SPATA6: variants seen among roughly 807,000 people sequenced by gnomAD.
SPATA6 encodes spermatogenesis associated 6, also known as spermatogenesis-associated protein 6.
A neutral mutation model predicts 65.3 loss-of-function variants in SPATA6; 56 were observed. The observed-to-expected ratio is 0.86, with a 90% CI of 0.69 to 1.07. The LOEUF (loss-of-function observed/expected upper bound fraction) is 1.07, where lower values mean the gene tolerates loss of function less well. SPATA6 is among the 50% of genes least tolerant of loss of function. The pLI is 0.00. For missense variants in SPATA6, 590 were observed against 594.8 expected (o/e 0.99, Z 0.08); for synonymous variants, 199 against 213.2 (o/e 0.93, Z 0.58).
chr1:48,381,938 T>C (rs2148890025), intron 9 of SPATA6, among the ~76,000 whole-genome samples: 1 of 120,614 alleles, frequency 8.3e-6, no homozygotes, highest in East Asian at 2.3e-4. Flanking sequence ...AAGCATCTGT[T>C]TAACAAAGCA....
At chr1:48,415,224 T>G (rs1477654584) in intron 3 of SPATA6, among the ~76,000 whole-genome samples, 1 of 152,216 alleles carries the variant, frequency 6.6e-6, no homozygotes, top group Non-Finnish European at 1.5e-5. Flanking sequence ...ACAAGGGTGA[T>G]GACAGTCCAA....
intron 9 of SPATA6, among the ~76,000 whole-genome samples, chr1:48,378,774 G>T (rs1295030743): frequency 1.3e-5 from 2 of 152,076 alleles, no homozygotes; most frequent in Admixed American, 6.5e-5. Context: ...ATTTGGCTGG[G>T]GACACAGCCA....
At chr1:48,316,447 T>C (rs1314564518) in intron 11 of SPATA6, among the ~76,000 whole-genome samples, 4 of 152,180 alleles carry the variant, frequency 2.6e-5, no homozygotes, top group Non-Finnish European at 5.9e-5. Context: ...ATTCCCTATT[T>C]AATAAATAGT....
the SPATA6 span, among the ~76,000 whole-genome samples, chr1:48,272,551 G>GTA: frequency 7.5e-4 from 114 of 152,136 alleles, 2 homozygotes; most frequent in South Asian, 1.9e-3. Flanking sequence ...ATTCCTTTGT[G>GTA]TATATATATA....
chr1:48,435,356 C>T (rs2148075290), intron 3 of SPATA6, among the ~76,000 whole-genome samples: 1 of 151,996 alleles, frequency 6.6e-6, no homozygotes, highest in East Asian at 1.9e-4. Flanking sequence ...CACCAATCAG[C>T]ACTCTGTAAA....
chr1:48,281,473 A>C, the SPATA6 span, among the ~76,000 whole-genome samples: 46 of 152,356 alleles, frequency 3.0e-4, no homozygotes, highest in Non-Finnish European at 5.7e-4. Flanking sequence ...GCTGATAAGC[A>C]ATTTCAGCAA....
At chr1:48,447,745 A>C (rs1404101393) in intron 3 of SPATA6, among the ~76,000 whole-genome samples, 1 of 152,224 alleles carries the variant, frequency 6.6e-6, no homozygotes, top group Non-Finnish European at 1.5e-5. Context: ...AACTTTAGAA[A>C]GAAATATAGG....
At chr1:48,315,780 T>C (rs964723158) in intron 11 of SPATA6, among the ~76,000 whole-genome samples, 2 of 152,254 alleles carry the variant, frequency 1.3e-5, no homozygotes, top group African/African-American at 4.8e-5. Context: ...TGATTGTATA[T>C]CTAGAAAACC....
chr1:48,391,843 C>G (rs1477995138), intron 8 of SPATA6, among the ~76,000 whole-genome samples: 3 of 152,060 alleles, frequency 2.0e-5, no homozygotes, highest in Admixed American at 1.3e-4. Context: ...ACAGGAAAAA[C>G]TTCCTAAAGG....
chr1:48,430,441 T>C (rs939433693), intron 3 of SPATA6, among the ~76,000 whole-genome samples: 1 of 151,958 alleles, frequency 6.6e-6, no homozygotes, highest in Admixed American at 6.6e-5. Context: ...ACTGACAAAG[T>C]TTATTACCAC....
chr1:48,413,091 T>C lies in SPATA6; in HGVS notation c.280+19A>G, dbSNP rs752933572. 4.8e-6 allele frequency: 5 copies of C among 1,032,878 alleles called. No homozygotes were observed. The highest frequency in any genetic ancestry group is 6.9e-5 in the East Asian group (2 of 28,814). The allele number at this position is 1,032,878 out of a possible 1,614,324, so 64.0% of individuals were successfully genotyped here. ...TTTATGATATCTTATATTGTATATA[T>C]TACATCAATATATATTACCTGGTGG... On this transcript the variant is annotated intron_variant, in intron 4 of 12. Coordinates refer to ENST00000371847, the MANE Select transcript of SPATA6 (RefSeq NM_019073.4).
At chr1:48,349,858 C>G (rs1646469426) in intron 11 of SPATA6, among the ~76,000 whole-genome samples, 1 of 151,876 alleles carries the variant, frequency 6.6e-6, no homozygotes, top group Non-Finnish European at 1.5e-5. Context: ...AGTTTGTTCA[C>G]CATTCACCAA....
At chr1:48,352,339 AC>A (rs2148797227) in intron 11 of SPATA6, among the ~76,000 whole-genome samples, 1 of 152,200 alleles carries the variant, frequency 6.6e-6, no homozygotes, top group South Asian at 2.1e-4. Flanking sequence ...ACACAGCCAA[AC>A]CATATCATTT....
chr1:48,448,335 T>C (rs529460124), intron 3 of SPATA6, among the ~76,000 whole-genome samples: 3 of 151,686 alleles, frequency 2.0e-5, no homozygotes, highest in African/African-American at 7.3e-5. Context: ...TGAATATCCC[T>C]AATCCAAAAA....
At chr1:48,466,015 C>T (rs1192620063) in intron 1 of SPATA6, among the ~76,000 whole-genome samples, 1 of 152,064 alleles carries the variant, frequency 6.6e-6, no homozygotes, top group African/African-American at 2.4e-5. Context: ...GGATACCGAA[C>T]AATTAATACC....
At chr1:48,308,192 T>A (rs544936622) in intron 11 of SPATA6, among the ~76,000 whole-genome samples, 6 of 151,954 alleles carry the variant, frequency 3.9e-5, no homozygotes, top group Non-Finnish European at 8.8e-5. Flanking sequence ...GTGTTAGATA[T>A]TTTCCAGGGT....
chr1:48,321,770 C>A (rs898195755), intron 11 of SPATA6, among the ~76,000 whole-genome samples: 3 of 152,018 alleles, frequency 2.0e-5, no homozygotes, highest in Non-Finnish European at 4.4e-5. Flanking sequence ...TATGTCAGGC[C>A]CCAAAACAAG....
At chr1:48,363,035 C>A (rs778681695) in intron 9 of SPATA6, among the ~76,000 whole-genome samples, 1 of 151,964 alleles carries the variant, frequency 6.6e-6, no homozygotes, top group Non-Finnish European at 1.5e-5. Flanking sequence ...GAATATAAGA[C>A]GTCAAATACA....
the SPATA6 span, among the ~76,000 whole-genome samples, chr1:48,269,176 G>A: frequency 0.57 from 87,257 of 151,920 alleles, 26,170 homozygotes; most frequent in East Asian, 0.79. Context: ...TTTTCTATAC[G>A]TATTCAAATA....
Sources: gnomAD v4.1 joint callset for allele counts (sites outside exome capture counted in the v4.1 genomes callset) on GRCh38, gnomAD v4.1.1 for gene constraint, MANE v1.5 for transcripts, NCBI Gene and HGNC (gene_info 2026-07-23, HGNC 2026-07-21) for gene names.